The following MORC2 variants were observed in gnomAD, a reference collection of about 807,000 sequenced individuals.
MORC2 encodes the protein MORC family CW-type zinc finger 2.
A neutral mutation model predicts 136.0 loss-of-function variants in MORC2; 30 were observed. The observed-to-expected ratio is 0.22, with a 90% CI of 0.17 to 0.30. The LOEUF is 0.30. Among genes scored for constraint, MORC2 ranks in the 10% least tolerant of loss-of-function variants. MORC2 has a pLI of 1.00. For synonymous variants in MORC2, 439 were observed against 487.0 expected, an observed-to-expected ratio of 0.90 and a Z score of 1.30; for missense variants, 922 against 1,333.1, an observed-to-expected ratio of 0.69 and a Z score of 4.80.
chr22:30,939,904 A>G (rs1419463183), intron 11 of MORC2, 55 bp downstream of exon 11: 3 of 1,564,228 alleles, frequency 1.9e-6, no homozygotes, highest in Admixed American at 3.5e-5. Flanking sequence ...CTCATGGGAC[A>G]TGGGCTCCTA....
intron 10 of MORC2, 58 bp from the exon 11 acceptor site, chr22:30,940,099 C>G: frequency 6.5e-7 from 1 of 1,531,768 alleles, no homozygotes; most frequent in Non-Finnish European, 9.0e-7. Flanking sequence ...CTTGGTCATC[C>G]CTCCTGGATC....
At chr22:30,939,926 G>T (rs367628154) in intron 11 of MORC2, 33 bp downstream of exon 11, 2 of 1,602,330 alleles carry the variant, frequency 1.2e-6, no homozygotes, top group Non-Finnish European at 1.7e-6. Context: ...TGCCAGAAAC[G>T]CTGGAGAACA....
chr22:30,942,112 C>T lies in MORC2; in HGVS notation c.586G>A (p.Gly196Arg). 1 of 1,613,182 alleles carries T rather than the reference C, an allele frequency of 6.2e-7. No individual in the cohort carries two copies. Among genetic ancestry groups the T allele is most frequent in the South Asian group, 1.1e-5 (1 of 91,058 alleles). Residue 196 changes from glycine (G) to arginine (R), a missense_variant and splice_region_variant, in exon 7 of 26, where the codon GGA becomes AGA. By Grantham distance (125) the Gly-to-Arg change is moderately radical (BLOSUM62 -2). Coordinates refer to ENST00000397641, the MANE Select transcript of MORC2 (RefSeq NM_001303256.3). ...GGCTACAGGCTCAAAGCCTACTTACCGCTGTCCCCAGGAATCTTCATAAAC... is the reference window on the plus strand; with the variant it reads ...GGCTACAGGCTCAAAGCCTACTTACTGCTGTCCCCAGGAATCTTCATAAAC... Reference protein sequence around the residue: ...TQFMKIPGDSGTLVIIFNLKL... With the variant: ...TQFMKIPGDSRTLVIIFNLKL...
Position 30,926,749 on chromosome 22 carries a change from G to A in MORC2, c.*54C>T. On this transcript the variant is annotated 3_prime_UTR_variant, in exon 26 of 26. Coordinates refer to ENST00000397641, the MANE Select transcript of MORC2 (RefSeq NM_001303256.3). ...CCCATGAATGAAGTCCCCTCCCCCT[G>A]CAGCTACAGGGTTGAGGGGCAGGTG... The A allele has an allele frequency of 2.0e-6, 3 of 1,471,786 alleles. No individual in the cohort carries two copies. Among genetic ancestry groups the A allele is most frequent in the Admixed American group, 3.4e-5 (2 of 58,022 alleles). The allele number at this position is 1,471,786 out of a possible 1,614,324, so 91.2% of individuals were successfully genotyped here.
intron 1 of MORC2, among the ~76,000 whole-genome samples, chr22:30,966,886 T>C (rs758152107): frequency 1.3e-5 from 2 of 152,180 alleles, no homozygotes; most frequent in Non-Finnish European, 2.9e-5. Context: ...AAAATAGAAA[T>C]ATTACAGACA....
chr22:30,954,435 C>T (rs2040936136), intron 3 of MORC2, among the ~76,000 whole-genome samples: 1 of 152,212 alleles, frequency 6.6e-6, no homozygotes, highest in African/African-American at 2.4e-5. Flanking sequence ...CTTAGTGCTT[C>T]TATCACACCA....
In MORC2 at chr22:30,941,416, G is replaced by A; in HGVS notation, c.824+17C>T. The A allele has an allele frequency of 1.2e-6, 2 of 1,612,820 alleles. No individual in the cohort carries two copies. Among genetic ancestry groups the A allele is most frequent in the East Asian group, 2.2e-5 (1 of 44,838 alleles). On this transcript the variant is annotated intron_variant, in intron 9 of 25. Transcript: ENST00000397641. This position sits in a 1 kb window ranked among gnomAD's most constrained non-coding sequence, Gnocchi z 4.6. The stretch of plus-strand genomic sequence containing the variant: ...CGACCCATGGGAGACAGCAGGCCAA[G>A]GGGCACTGGCCCCTACCTGGGCTTG...
In MORC2 at chr22:30,940,842, T is replaced by A; in HGVS notation, c.825-5A>T. ...CTTGACGTGTACTTGTACATCCTGATCAGTAGAAAAAGCAAGCTGATGGCC... is the reference window on the plus strand; with the variant it reads ...CTTGACGTGTACTTGTACATCCTGAACAGTAGAAAAAGCAAGCTGATGGCC... On this transcript the variant is annotated splice_polypyrimidine_tract_variant and splice_region_variant and intron_variant, in intron 9 of 25. Coordinates refer to ENST00000397641, the MANE Select transcript of MORC2 (RefSeq NM_001303256.3). The A allele has an allele frequency of 6.2e-7, 1 of 1,613,756 alleles. No homozygotes were observed. The highest frequency in any genetic ancestry group is 2.2e-5 in the East Asian group (1 of 44,856).
intron 1 of MORC2, chr22:30,963,235 C>A (rs990418364): frequency 5.8e-6 from 5 of 859,022 alleles, no homozygotes; most frequent in Non-Finnish European, 7.0e-6. Context: ...CTCGGCCTCC[C>A]AAAGTGCTGG....
At position 30,926,793 on chromosome 22, in the gene MORC2, T is replaced by C. The variant is rs1389876760; in HGVS notation, c.*10A>G. 6.2e-7 allele frequency: 1 copy of C among 1,611,986 alleles called. No homozygotes were observed. The highest frequency in any genetic ancestry group is 1.3e-5 in the African/African-American group (1 of 74,780). On this transcript the variant is annotated 3_prime_UTR_variant, in exon 26 of 26. Transcript: ENST00000397641. ...GCAGGTGGGCAGGGGAGCTGCTCTC[T>C]CTCCTGCCTTCAGTCCCCCTTGGTG...
intron 9 of MORC2, 82 bp from the exon 10 acceptor site, chr22:30,940,919 T>C: frequency 8.9e-7 from 1 of 1,122,156 alleles, no homozygotes; most frequent in Non-Finnish European, 1.4e-6. Flanking sequence ...CACCCTGCCT[T>C]CCTGCCTCCT....
intron 3 of MORC2, among the ~76,000 whole-genome samples, chr22:30,950,721 A>T (rs1055958169): frequency 1.3e-5 from 2 of 152,188 alleles, no homozygotes; most frequent in African/African-American, 4.8e-5. Context: ...ACCACTGAAT[A>T]TGCACATACC....
At chr22:30,965,998 G>A (rs1214462439) in intron 1 of MORC2, among the ~76,000 whole-genome samples, 1 of 152,194 alleles carries the variant, frequency 6.6e-6, no homozygotes, top group Non-Finnish European at 1.5e-5. Flanking sequence ...CAGCTATATA[G>A]CCATTACCAT....
intron 1 of MORC2, among the ~76,000 whole-genome samples, chr22:30,962,388 C>A (rs147737153): frequency 2.0e-5 from 3 of 151,676 alleles, no homozygotes; most frequent in African/African-American, 7.3e-5. Flanking sequence ...CACGGCAAAA[C>A]CCCCATCTCT....
intron 25 of MORC2, among the ~76,000 whole-genome samples, chr22:30,927,455 G>C (rs983213721): frequency 1.3e-5 from 2 of 152,152 alleles, no homozygotes; most frequent in African/African-American, 4.8e-5. Flanking sequence ...CACACTCTTT[G>C]CATGACTGGC....
intron 10 of MORC2, 48 bp downstream of exon 10, chr22:30,940,710 T>C: frequency 2.6e-6 from 4 of 1,544,804 alleles, no homozygotes; most frequent in Non-Finnish European, 3.6e-6. Context: ...ACAAGCAGCA[T>C]ACCCCAGATG....
chr22:30,952,455 T>A (rs776364753), intron 3 of MORC2, among the ~76,000 whole-genome samples: 13 of 152,236 alleles, frequency 8.5e-5, no homozygotes, highest in Admixed American at 3.9e-4. Flanking sequence ...AATCATCACT[T>A]AACAGTGGGG....
Position 30,956,176 on chromosome 22 carries a change from G to A in MORC2, c.157+587C>T, listed in dbSNP as rs542761721. Among the ~76,000 whole-genome samples, 3 of 152,220 alleles carry A rather than the reference G, an allele frequency of 2.0e-5. No homozygotes were observed. The East Asian group carries it at 5.8e-4, about 29-fold the overall frequency. ...ACTGTTGCACTCACTCTAGGAAAAGGAGAAGATCTTACTACAAAACAGCAG... is the reference window on the plus strand; with the variant it reads ...ACTGTTGCACTCACTCTAGGAAAAGAAGAAGATCTTACTACAAAACAGCAG... On this transcript the variant is annotated intron_variant, in intron 3 of 25. Transcript: ENST00000397641.
In MORC2 at chr22:30,938,066, T is replaced by C. The variant is rs1489926879; in HGVS notation, c.1213A>G (p.Met405Val). 6.2e-7 allele frequency: 1 copy of C among 1,614,182 alleles called. No homozygotes were observed. The highest frequency in any genetic ancestry group is 8.5e-7 in the Non-Finnish European group (1 of 1,180,034). ...EKVGPQLEGGMACGGVVGVVD... is the reference protein window; with the variant it reads ...EKVGPQLEGGVACGGVVGVVD... ...CAGCTCTCTGTGGGTAGTACTCACA[T>C]GCCCCCTTCCAGCTGTGGGCCCACT... is the stretch of plus-strand genomic sequence containing the variant. The change falls in exon 13 of 26, where the codon ATG becomes GTG. Residue 405 changes from methionine to valine, a missense_variant and splice_region_variant. Coordinates refer to ENST00000397641, the MANE Select transcript of MORC2 (RefSeq NM_001303256.3).
Sources: allele counts gnomAD v4.1 joint callset (sites outside exome capture counted in the v4.1 genomes callset), GRCh38; gene constraint gnomAD v4.1.1; non-coding constraint Gnocchi (gnomAD v3.1); transcripts MANE v1.5; gene names NCBI Gene and HGNC (gene_info 2026-07-23, HGNC 2026-07-21).